IPP: variants seen among roughly 807,000 people sequenced by gnomAD.
The protein encoded by IPP is actin-binding protein IPP.
In IPP, 41 loss-of-function variants were observed where a neutral mutation model predicts 64.1. That is an observed-to-expected ratio of 0.64 (90% CI 0.50 to 0.83). IPP has a LOEUF of 0.83. Ranked by LOEUF, IPP falls within the 40% of genes least tolerant of loss-of-function variation. The pLI is 0.00. For synonymous variants in IPP, 214 were observed against 235.2 expected, an observed-to-expected ratio of 0.91 and a Z score of 0.83; for missense variants, 649 against 703.0, an observed-to-expected ratio of 0.92 and a Z score of 0.87.
At chr1:45,711,762 A>C (rs998609769) in intron 8 of IPP, among the ~76,000 whole-genome samples, 12 of 152,254 alleles carry the variant, frequency 7.9e-5, no homozygotes, top group African/African-American at 2.9e-4. Flanking sequence ...ACAAAAAAAA[A>C]AAAAAAAGTA....
At chr1:45,741,774 G>A (rs1278859103) in intron 2 of IPP, among the ~76,000 whole-genome samples, 2 of 125,422 alleles carry the variant, frequency 1.6e-5, no homozygotes, top group Admixed American at 8.4e-5. Context: ...GACTACAGGC[G>A]CCCGCCACTG....
At chr1:45,739,284 A>T (rs968519186) in intron 3 of IPP, among the ~76,000 whole-genome samples, 4 of 152,148 alleles carry the variant, frequency 2.6e-5, no homozygotes, top group African/African-American at 9.7e-5. Flanking sequence ...AGTAGGCTGG[A>T]GAGCAATGGC....
At chr1:45,742,256 AC>A (rs763076590) in intron 2 of IPP, among the ~76,000 whole-genome samples, 7 of 152,286 alleles carry the variant, frequency 4.6e-5, no homozygotes, top group Non-Finnish European at 7.3e-5. Flanking sequence ...TTGAAAAACT[AC>A]CTATCAGGTA....
intron 6 of IPP, among the ~76,000 whole-genome samples, chr1:45,717,331 AT>A (rs1645674714): frequency 6.6e-6 from 1 of 152,016 alleles, no homozygotes; most frequent in Admixed American, 6.6e-5. Flanking sequence ...AATATATTGC[AT>A]GGAAAAGATG....
rs142675765 is a variant in IPP, at chr1:45,734,407, T to C, written c.725-4638A>G. Among the ~76,000 whole-genome samples the C allele has an allele frequency of 2.9e-3, 440 of 152,028 alleles. 4 individuals carry two copies. Among genetic ancestry groups the C allele is most frequent in the Middle Eastern group, 0.01 (3 of 294 alleles). On this transcript the variant is annotated intron_variant, in intron 3 of 8. Coordinates refer to ENST00000396478, the MANE Select transcript of IPP (RefSeq NM_005897.3). ...TTTTTTGTATTATAAATAATATGTA[T>C]AAAATTATTTTTATTTTTATTCTTT...
chr1:45,695,307 GT>G (rs1645377544), downstream of IPP, among the ~76,000 whole-genome samples: 1 of 152,140 alleles, frequency 6.6e-6, no homozygotes, highest in Non-Finnish European at 1.5e-5. Context: ...TGGGACTACA[GT>G]TGTGCACCAC....
At position 45,714,241 on chromosome 1, in the gene IPP, C is replaced by G. The variant is rs994868614; in HGVS notation, c.1530+5G>C. On this transcript the variant is annotated splice_donor_5th_base_variant and intron_variant, in intron 8 of 8. Transcript: ENST00000396478. ...ATACTAAATATCTGAAATCATCCAA[C>G]CTACCTCTTCAAAGGAATATTTTTC... is the stretch of plus-strand genomic sequence containing the variant. 1.3e-6 allele frequency: 2 copies of G among 1,598,226 alleles called. No individual in the cohort carries two copies. The highest frequency in any genetic ancestry group is 2.7e-5 in the African/African-American group (2 of 74,724).
At chr1:45,723,571 G>C (rs1645761683) in intron 5 of IPP, among the ~76,000 whole-genome samples, 1 of 152,212 alleles carries the variant, frequency 6.6e-6, no homozygotes, top group African/African-American at 2.4e-5. Context: ...TGTAGTCAAA[G>C]ACTATACAGA....
At chr1:45,719,395 G>A in intron 5 of IPP, 55 bp from the exon 6 acceptor site, 1 of 1,170,878 alleles carries the variant, frequency 8.5e-7, no homozygotes. Context: ...CAACAGACTA[G>A]CACCATAACA....
chr1:45,726,196 T>C lies in IPP; in HGVS notation c.1048+1435A>G, dbSNP rs978614052. 2.9e-4 allele frequency among the ~76,000 whole-genome samples: 42 copies of C among 147,124 alleles called. 1 individual carries two copies. The highest frequency in any genetic ancestry group is 7.2e-3 in the Middle Eastern group (2 of 278). ...AAAAATGGCCGGGCATGGTGGCTCA[T>C]GTCTGTAATCCCAGCACTATGGGAG... On this transcript the variant is annotated intron_variant, in intron 5 of 8. Coordinates refer to ENST00000396478, the MANE Select transcript of IPP (RefSeq NM_005897.3).
rs1447462818 is a variant in IPP at position 45,750,622 on chromosome 1, C to T, written c.-76G>A. Reference sequence around the variant, plus strand: ...CCGCCGCTTCCCCTTCCCTCCGGCGCCCGCTCAGGCCCTGCGCGCGCAGTC... The same window carrying T: ...CCGCCGCTTCCCCTTCCCTCCGGCGTCCGCTCAGGCCCTGCGCGCGCAGTC... On this transcript the variant is annotated 5_prime_UTR_variant, in exon 1 of 9. Coordinates refer to ENST00000396478, the MANE Select transcript of IPP (RefSeq NM_005897.3). 1 of 152,440 alleles carries T rather than the reference C, an allele frequency of 6.6e-6. No homozygotes were observed. Among genetic ancestry groups the T allele is most frequent in the Non-Finnish European group, 1.5e-5 (1 of 68,212 alleles). The allele number at this position is 152,440 out of a possible 1,614,324, so 9.4% of individuals were successfully genotyped here.
chr1:45,732,954 C>G (rs571677733), intron 3 of IPP, among the ~76,000 whole-genome samples: 2 of 151,930 alleles, frequency 1.3e-5, no homozygotes, highest in African/African-American at 4.8e-5. Context: ...TGTGAGCCAC[C>G]GTGCCCGGCC....
intron 3 of IPP, among the ~76,000 whole-genome samples, chr1:45,734,744 T>A (rs371193407): frequency 6.6e-6 from 1 of 151,614 alleles, no homozygotes; most frequent in African/African-American, 2.4e-5. Context: ...CTCAGCTTCC[T>A]GAGTGGCTGG....
intron 8 of IPP, among the ~76,000 whole-genome samples, chr1:45,706,064 C>T (rs1210652472): frequency 6.6e-6 from 1 of 152,092 alleles, no homozygotes; most frequent in Admixed American, 6.6e-5. Context: ...CTAATCTATG[C>T]ATGCTAAGGT....
chr1:45,742,573 G>C (rs933102981), intron 2 of IPP, among the ~76,000 whole-genome samples: 2 of 152,104 alleles, frequency 1.3e-5, no homozygotes, highest in African/African-American at 4.8e-5. Flanking sequence ...TCATTCTGTT[G>C]TCCAGGCTGG....
chr1:45,746,557 T>C, intron 1 of IPP, 96 bp from the exon 2 acceptor site: 1 of 593,056 alleles, frequency 1.7e-6, no homozygotes, highest in South Asian at 2.2e-5. Flanking sequence ...AAAATCTACT[T>C]AAGGACATAA....
At chr1:45,740,544 G>A (rs901220997) in intron 3 of IPP, among the ~76,000 whole-genome samples, 11 of 151,718 alleles carry the variant, frequency 7.3e-5, no homozygotes, top group South Asian at 4.1e-4. Context: ...CTGGCCGGGC[G>A]GGGGGCTGAC....
At chr1:45,725,245 G>C (rs1350356738) in intron 5 of IPP, among the ~76,000 whole-genome samples, 3 of 115,176 alleles carry the variant, frequency 2.6e-5, no homozygotes, top group African/African-American at 1.0e-4. Flanking sequence ...CAGCCGCCCC[G>C]TCCGGGAGGT....
intron 3 of IPP, among the ~76,000 whole-genome samples, chr1:45,730,789 T>C (rs1281232586): frequency 6.6e-6 from 1 of 152,164 alleles, no homozygotes; most frequent in African/African-American, 2.4e-5. Context: ...AGAAGCAATA[T>C]TGAAGAAAAA....
Sources: gnomAD v4.1 joint callset for allele counts (sites outside exome capture counted in the v4.1 genomes callset) on GRCh38, gnomAD v4.1.1 for gene constraint, MANE v1.5 for transcripts, NCBI Gene and HGNC (gene_info 2026-07-23, HGNC 2026-07-21) for gene names.